CA10: variants seen among roughly 807,000 people sequenced by gnomAD.
CA10 encodes the protein carbonic anhydrase-related protein 10.
In CA10, 14 loss-of-function variants were observed where a neutral mutation model predicts 44.2. The observed-to-expected ratio is 0.32, with a 90% CI of 0.21 to 0.50. CA10 has a LOEUF of 0.50. Ranked by LOEUF, CA10 falls within the 20% of genes least tolerant of loss-of-function variation. The pLI, the probability that CA10 is intolerant of heterozygous loss-of-function variation, is 0.99. For synonymous variants in CA10, 159 were observed against 141.6 expected, an observed-to-expected ratio of 1.12 and a Z score of -0.87; for missense variants, 350 against 409.7, an observed-to-expected ratio of 0.85 and a Z score of 1.26.
intron 4 of CA10, among the ~76,000 whole-genome samples, chr17:51,711,015 C>A (rs1915929383): frequency 7.4e-6 from 1 of 135,822 alleles, no homozygotes; most frequent in Non-Finnish European, 1.5e-5. Flanking sequence ...TAGAATCAAT[C>A]AACACCTCTA....
chr17:51,902,463 C>T (rs1981359893), intron 3 of CA10, among the ~76,000 whole-genome samples: 1 of 152,116 alleles, frequency 6.6e-6, no homozygotes, highest in African/African-American at 2.4e-5. Context: ...GACTAGGACA[C>T]CAGGCATTAT....
At chr17:51,917,223 A>G (rs1056246946) in intron 3 of CA10, among the ~76,000 whole-genome samples, 1 of 128,438 alleles carries the variant, frequency 7.8e-6, no homozygotes, top group Non-Finnish European at 1.8e-5. Flanking sequence ...GATGGCACCC[A>G]ATGTGGAGGT....
intron 2 of CA10, 136 bp from the exon 3 acceptor site, chr17:51,931,268 G>T (rs1180299622): frequency 5.1e-6 from 4 of 776,718 alleles, no homozygotes; most frequent in South Asian, 1.9e-5. Flanking sequence ...ATCCTTGGGG[G>T]TTGCTATGGT....
rs1979374317 is a variant in CA10, at chr17:51,862,834, G to GA, written c.279+68155dup. On this transcript the variant is annotated intron_variant, in intron 3 of 8. Transcript: ENST00000451037. ...GGGGAGAGAAGAGAACAAACTATCT[G>GA]ATGTCTCTTCTTAAAAGGGCACTAA... Among the ~76,000 whole-genome samples the GA allele has an allele frequency of 2.0e-5, 3 of 151,958 alleles. No individual in the cohort carries two copies. The South Asian group carries it at 6.3e-4, about 32-fold the overall frequency.
intron 2 of CA10, among the ~76,000 whole-genome samples, chr17:51,947,849 C>A (rs1404706337): frequency 6.6e-6 from 1 of 151,976 alleles, no homozygotes; most frequent in Non-Finnish European, 1.5e-5. Flanking sequence ...TAACATGGAG[C>A]AACATATGTC....
chr17:52,108,800 T>C (rs1243681869), intron 1 of CA10, among the ~76,000 whole-genome samples: 2 of 150,926 alleles, frequency 1.3e-5, no homozygotes. Context: ...ATAACAAATA[T>C]GGTGCAGTGT....
At chr17:51,911,006 T>C (rs2143950671) in intron 3 of CA10, among the ~76,000 whole-genome samples, 1 of 152,228 alleles carries the variant, frequency 6.6e-6, no homozygotes, top group East Asian at 1.9e-4. Flanking sequence ...AGAATGTGGG[T>C]GGAAGACATA....
At chr17:51,781,524 A>G (rs1567837570) in intron 3 of CA10, among the ~76,000 whole-genome samples, 1 of 152,184 alleles carries the variant, frequency 6.6e-6, no homozygotes. Context: ...ATGGCCTCTT[A>G]TTATCTGAAC....
At chr17:52,065,499 G>C (rs1331197822) in intron 2 of CA10, among the ~76,000 whole-genome samples, 1 of 152,124 alleles carries the variant, frequency 6.6e-6, no homozygotes, top group East Asian at 1.9e-4. Context: ...TCGAGGAATA[G>C]GTGGTGGGAA....
chr17:52,151,398 G>A (rs1855769464), intron 1 of CA10, among the ~76,000 whole-genome samples: 1 of 151,946 alleles, frequency 6.6e-6, no homozygotes, highest in African/African-American at 2.4e-5. Flanking sequence ...TGTTCTTCTA[G>A]GTCTAGGTCA....
At chr17:51,757,245 T>G (rs1371346324) in intron 3 of CA10, among the ~76,000 whole-genome samples, 1 of 152,166 alleles carries the variant, frequency 6.6e-6, no homozygotes, top group Non-Finnish European at 1.5e-5. Flanking sequence ...GTGTGCTGCC[T>G]GCTCACATGG....
At chr17:51,639,295 TA>T (rs1336977547) in intron 6 of CA10, among the ~76,000 whole-genome samples, 1 of 152,168 alleles carries the variant, frequency 6.6e-6, no homozygotes, top group Non-Finnish European at 1.5e-5. Context: ...CATTTTATTT[TA>T]TTCGGGGCGG....
chr17:51,764,956 A>G (rs1905319120), intron 3 of CA10, among the ~76,000 whole-genome samples: 1 of 152,260 alleles, frequency 6.6e-6, no homozygotes, highest in Non-Finnish European at 1.5e-5. Context: ...AACAACAGGT[A>G]GCAGCATCAA....
chr17:51,979,385 G>T (rs1220387983), intron 2 of CA10, among the ~76,000 whole-genome samples: 1 of 151,826 alleles, frequency 6.6e-6, no homozygotes, highest in East Asian at 1.9e-4. Context: ...TATTATATAG[G>T]TAAATTTGTG....
chr17:51,748,385 G>T, intron 3 of CA10: 1 of 672,028 alleles, frequency 1.5e-6, no homozygotes, highest in Non-Finnish European at 1.8e-6. Context: ...TAAACTAAAG[G>T]GATTCACTCA....
chr17:51,742,893 G>C (rs539694660), intron 4 of CA10, among the ~76,000 whole-genome samples: 1 of 152,322 alleles, frequency 6.6e-6, no homozygotes, highest in South Asian at 2.1e-4. Flanking sequence ...CCCATTCTTT[G>C]CTTAATGCTA....
At chr17:51,959,487 G>A (rs146307180) in intron 2 of CA10, among the ~76,000 whole-genome samples, 202 of 152,126 alleles carry the variant, frequency 1.3e-3, no homozygotes, top group Non-Finnish European at 2.4e-3. Flanking sequence ...AGAGTGAAGA[G>A]AAATCATGGA....
At chr17:51,985,905 T>C (rs548864332) in intron 2 of CA10, among the ~76,000 whole-genome samples, 8 of 151,816 alleles carry the variant, frequency 5.3e-5, no homozygotes, top group Non-Finnish European at 8.8e-5. Context: ...GGGTAGAATA[T>C]TGTGAAAATG....
chr17:51,693,918 C>A (rs573832530), intron 4 of CA10, among the ~76,000 whole-genome samples: 1 of 152,042 alleles, frequency 6.6e-6, no homozygotes, highest in Non-Finnish European at 1.5e-5. Context: ...AAGAAATTCA[C>A]CCCCGGCTGG....
Sources: gnomAD v4.1 joint callset for allele counts (sites outside exome capture counted in the v4.1 genomes callset) on GRCh38, gnomAD v4.1.1 for gene constraint, MANE v1.5 for transcripts, NCBI Gene and HGNC (gene_info 2026-07-23, HGNC 2026-07-21) for gene names.